Variants in RALGPS2 observed in about 807,000 individuals in gnomAD.
RALGPS2 encodes the protein ras-specific guanine nucleotide-releasing factor RalGPS2.
In RALGPS2, 43 loss-of-function variants were observed where a neutral mutation model predicts 86.8. That is an observed-to-expected ratio of 0.50 (90% CI 0.39 to 0.64). RALGPS2 has a LOEUF of 0.64. Among genes scored for constraint, RALGPS2 ranks in the 30% least tolerant of loss-of-function variants. The probability of loss-of-function intolerance (pLI) is 0.00; values close to 1 mark genes in which losing one functional copy is unlikely to be tolerated. For missense variants in RALGPS2, 536 were observed against 694.6 expected, an observed-to-expected ratio of 0.77 and a Z score of 2.57; for synonymous variants, 243 against 231.3, an observed-to-expected ratio of 1.05 and a Z score of -0.46.
At chr1:178,854,585 T>C (rs1657405117) in intron 8 of RALGPS2, among the ~76,000 whole-genome samples, 1 of 152,136 alleles carries the variant, frequency 6.6e-6, no homozygotes, top group Non-Finnish European at 1.5e-5. Flanking sequence ...TCAATCTGTA[T>C]GACTAATAGT....
chr1:178,906,457 T>C (rs1572471738), intron 18 of RALGPS2, among the ~76,000 whole-genome samples: 1 of 152,320 alleles, frequency 6.6e-6, no homozygotes, highest in South Asian at 2.1e-4. Context: ...CACACAGATC[T>C]AGAGATGCCA....
intron 8 of RALGPS2, chr1:178,871,002 C>T (rs1658723567): frequency 2.6e-5 from 4 of 152,146 alleles, no homozygotes; most frequent in South Asian, 2.1e-4. Flanking sequence ...GCAGAGAAAG[C>T]GTTGTGGCTT....
intron 8 of RALGPS2, among the ~76,000 whole-genome samples, chr1:178,872,590 A>T (rs913725160): frequency 3.3e-5 from 5 of 152,230 alleles, no homozygotes; most frequent in Non-Finnish European, 7.3e-5. Context: ...TTTAAAAAAC[A>T]TTGGGACAGA....
chr1:178,792,951 A>G (rs1331201034), intron 4 of RALGPS2, among the ~76,000 whole-genome samples: 2 of 152,110 alleles, frequency 1.3e-5, no homozygotes, highest in Non-Finnish European at 2.9e-5. Flanking sequence ...TTTCTTTTTT[A>G]GTTTAAAGCA....
chr1:178,838,460 G>C (rs1264921505), intron 8 of RALGPS2, among the ~76,000 whole-genome samples: 3 of 152,120 alleles, frequency 2.0e-5, no homozygotes, highest in Non-Finnish European at 4.4e-5. Flanking sequence ...TGCAGCTGCG[G>C]GTCCTGACTG....
intron 2 of RALGPS2, 96 bp from the exon 3 acceptor site, chr1:178,784,319 CCTA>C (rs1327883163): frequency 1.3e-6 from 1 of 775,942 alleles, no homozygotes; most frequent in Non-Finnish European, 1.9e-6. Flanking sequence ...CATTTGTTAA[CCTA>C]CTGTTTTGTT....
chr1:178,742,132 C>CAA (rs34861793), intron 1 of RALGPS2, among the ~76,000 whole-genome samples: 1,807 of 82,594 alleles, frequency 0.022, 39 homozygotes, highest in Admixed American at 0.072. Context: ...AAGATTCCGT[C>CAA]AAAAAAAAAA....
At chr1:178,739,094 T>C (rs547475461) in intron 1 of RALGPS2, among the ~76,000 whole-genome samples, 110 of 152,366 alleles carry the variant, frequency 7.2e-4, no homozygotes, top group African/African-American at 2.5e-3. Context: ...GTTTTTTCTT[T>C]TTTTTGCAAT....
chr1:178,895,566 A>C (rs1361384964), intron 16 of RALGPS2, among the ~76,000 whole-genome samples: 1 of 152,116 alleles, frequency 6.6e-6, no homozygotes. Context: ...AAGGTGAGTT[A>C]GCTGTGTGAA....
chr1:178,813,383 A>G (rs187373721), intron 6 of RALGPS2, among the ~76,000 whole-genome samples: 94 of 152,302 alleles, frequency 6.2e-4, no homozygotes, highest in African/African-American at 2.1e-3. Context: ...TCATCAAACA[A>G]TCATTTAACT....
chr1:178,841,255 A>G (rs1452246731), intron 8 of RALGPS2, among the ~76,000 whole-genome samples: 1 of 151,766 alleles, frequency 6.6e-6, no homozygotes, highest in African/African-American at 2.4e-5. Flanking sequence ...TCCTCAATAA[A>G]ATACTGGCAA....
chr1:178,849,380 C>T (rs1427002560), intron 8 of RALGPS2, among the ~76,000 whole-genome samples: 1 of 152,178 alleles, frequency 6.6e-6, no homozygotes, highest in Admixed American at 6.5e-5. Flanking sequence ...AGAATGGGCC[C>T]ATTGGCTAAG....
intron 10 of RALGPS2, among the ~76,000 whole-genome samples, chr1:178,882,444 C>G (rs116223777): frequency 0.019 from 2,822 of 152,200 alleles, 53 homozygotes; most frequent in Non-Finnish European, 0.029. Flanking sequence ...TAAACATCTT[C>G]ATAAAAAGAA....
At chr1:178,889,489 A>T (rs34280213) in intron 13 of RALGPS2, among the ~76,000 whole-genome samples, 153 bp from the exon 14 acceptor site, 35,195 of 151,956 alleles carry the variant, frequency 0.23, 4,755 homozygotes, top group Non-Finnish European at 0.31. Flanking sequence ...TAACAGCAGT[A>T]ATATTAGAAT....
intron 4 of RALGPS2, among the ~76,000 whole-genome samples, chr1:178,798,485 G>A (rs531365816): frequency 1.3e-4 from 20 of 152,256 alleles, no homozygotes; most frequent in Middle Eastern, 6.8e-3. Context: ...ACCATTAGTG[G>A]TGGTGGAAGT....
intron 8 of RALGPS2, among the ~76,000 whole-genome samples, chr1:178,868,601 T>C (rs1443288886): frequency 6.6e-6 from 1 of 151,988 alleles, no homozygotes; most frequent in African/African-American, 2.4e-5. Context: ...CATCCAAGAC[T>C]GCTGTTAGGA....
At chr1:178,843,546 T>A (rs1163907696) in intron 8 of RALGPS2, among the ~76,000 whole-genome samples, 1 of 148,508 alleles carries the variant, frequency 6.7e-6, no homozygotes, top group African/African-American at 2.5e-5. Context: ...GAGATATACC[T>A]AATGCTAGAT....
intron 2 of RALGPS2, among the ~76,000 whole-genome samples, chr1:178,779,972 G>A (rs749430640): frequency 4.6e-5 from 7 of 152,180 alleles, no homozygotes; most frequent in Admixed American, 1.3e-4. Flanking sequence ...GACATCAGGT[G>A]ATCCACCTGC....
chr1:178,761,983 G>T (rs1652266726), intron 1 of RALGPS2, among the ~76,000 whole-genome samples: 1 of 152,122 alleles, frequency 6.6e-6, no homozygotes, highest in African/African-American at 2.4e-5. Flanking sequence ...TACCCAGTAG[G>T]TAGTTTCTCA....
Sources: allele counts gnomAD v4.1 joint callset (sites outside exome capture counted in the v4.1 genomes callset), GRCh38; gene constraint gnomAD v4.1.1; transcripts MANE v1.5; gene names NCBI Gene and HGNC (gene_info 2026-07-23, HGNC 2026-07-21).